Variants in MICU2 observed in about 807,000 individuals in gnomAD.
The protein encoded by MICU2 is calcium uptake protein 2, mitochondrial.
MICU2 carries 64 observed loss-of-function variants against 60.4 expected under a neutral mutation model. That is an observed-to-expected ratio of 1.06 (90% CI 0.87 to 1.31). The LOEUF is 1.31. Ranked by LOEUF, MICU2 falls within the 50% of genes most tolerant of loss-of-function variation. The pLI, the probability that MICU2 is intolerant of heterozygous loss-of-function variation, is 0.00. For synonymous variants in MICU2, 201 were observed against 175.0 expected, an observed-to-expected ratio of 1.15 and a Z score of -1.17; for missense variants, 569 against 531.0, an observed-to-expected ratio of 1.07 and a Z score of -0.70.
intron 1 of MICU2, among the ~76,000 whole-genome samples, chr13:21,603,139 G>A (rs1396985335): frequency 3.9e-5 from 6 of 152,032 alleles, no homozygotes; most frequent in Admixed American, 3.9e-4. Flanking sequence ...TAGAGACCGG[G>A]GGGGCGGGGC....
At chr13:21,597,181 T>A (rs1888713191) in intron 1 of MICU2, among the ~76,000 whole-genome samples, 1 of 152,250 alleles carries the variant, frequency 6.6e-6, no homozygotes, top group African/African-American at 2.4e-5. Flanking sequence ...CAAAGGTATA[T>A]CTATTATTAA....
chr13:21,521,552 G>T (rs1886717830), intron 5 of MICU2, among the ~76,000 whole-genome samples: 1 of 152,204 alleles, frequency 6.6e-6, no homozygotes, highest in African/African-American at 2.4e-5. Context: ...TGCTCTGCTA[G>T]TAAGTGTTCT....
chr13:21,494,679 C>A (rs1043263068), intron 11 of MICU2, among the ~76,000 whole-genome samples: 14 of 151,978 alleles, frequency 9.2e-5, no homozygotes, highest in African/African-American at 3.1e-4. Context: ...TTAGTCAAAT[C>A]CTAGGCTATG....
At chr13:21,514,512 A>G (rs1227540035) in intron 6 of MICU2, 94 bp from the exon 7 acceptor site, 2 of 822,364 alleles carry the variant, frequency 2.4e-6, no homozygotes, top group Non-Finnish European at 2.0e-6. Context: ...TATAAAATAT[A>G]TACTAGTTAT....
At chr13:21,512,387 T>G (rs1886452405) in intron 7 of MICU2, among the ~76,000 whole-genome samples, 2 of 152,202 alleles carry the variant, frequency 1.3e-5, no homozygotes, top group African/African-American at 4.8e-5. Flanking sequence ...TCTTCTTCCA[T>G]TATGTTGGTT....
At chr13:21,512,025 C>T (rs1009769750) in intron 7 of MICU2, among the ~76,000 whole-genome samples, 1 of 152,154 alleles carries the variant, frequency 6.6e-6, no homozygotes, top group Non-Finnish European at 1.5e-5. Flanking sequence ...AGGTTTTGTA[C>T]GAACAATCCC....
intron 2 of MICU2, among the ~76,000 whole-genome samples, chr13:21,547,065 T>C (rs1236703592): frequency 6.6e-6 from 1 of 152,208 alleles, no homozygotes; most frequent in Non-Finnish European, 1.5e-5. Flanking sequence ...CTTGCCTAGT[T>C]CCTGATCTTA....
intron 9 of MICU2, among the ~76,000 whole-genome samples, chr13:21,499,760 C>T (rs1049283391): frequency 2.6e-4 from 40 of 151,580 alleles, no homozygotes; most frequent in Admixed American, 2.6e-3. Flanking sequence ...CATTTTTGTT[C>T]CAGATTATAT....
At chr13:21,557,120 T>A (rs1027774696) in intron 2 of MICU2, among the ~76,000 whole-genome samples, 6 of 152,138 alleles carry the variant, frequency 3.9e-5, no homozygotes, top group African/African-American at 1.4e-4. Context: ...ACTAGAAGCT[T>A]TTATTAAATC....
At chr13:21,515,613 T>C in intron 6 of MICU2, 2 of 423,114 alleles carry the variant, frequency 4.7e-6, no homozygotes, top group Non-Finnish European at 9.5e-6. Flanking sequence ...GAATCAGATG[T>C]AGACAAAATC....
chr13:21,513,155 G>C (rs1886474728), intron 7 of MICU2, among the ~76,000 whole-genome samples: 1 of 151,656 alleles, frequency 6.6e-6, no homozygotes, highest in South Asian at 2.1e-4. Context: ...CAGATTTCCT[G>C]GGAGTTTCTA....
At chr13:21,567,658 T>C (rs1002452296) in intron 1 of MICU2, among the ~76,000 whole-genome samples, 8 of 152,198 alleles carry the variant, frequency 5.3e-5, no homozygotes, top group Admixed American at 2.0e-4. Flanking sequence ...CCTCAGGCAG[T>C]AGGACTTAGA....
chr13:21,506,968 TGCAA>T (rs1886305344), intron 8 of MICU2, among the ~76,000 whole-genome samples: 1 of 152,232 alleles, frequency 6.6e-6, no homozygotes, highest in African/African-American at 2.4e-5. Flanking sequence ...AGTACGTTAG[TGCAA>T]GCTTTTGAAA....
Position 21,560,783 on chromosome 13 carries a change from C to T in MICU2, c.358+6014G>A, listed in dbSNP as rs573816245. On this transcript the variant is annotated intron_variant, in intron 2 of 11. Transcript: ENST00000382374. ...TAGAAATGTCTAGGTAGCAGAATTT[C>T]TGTAAAAATTTTCAATTTGAGTGCC... is the stretch of plus-strand genomic sequence containing the variant. 9.9e-5 allele frequency among the ~76,000 whole-genome samples: 15 copies of T among 152,274 alleles called. No individual in the cohort carries two copies. The South Asian group carries it at 1.7e-3, about 17-fold the overall frequency.
Position 21,501,542 on chromosome 13 carries a change from G to A in MICU2, c.933+1384C>T, listed in dbSNP as rs193285110. On this transcript the variant is annotated intron_variant, in intron 9 of 11. Transcript: ENST00000382374. Reference sequence around the variant, plus strand: ...CTCCCAAAGTGCCAGGATTACAGGCGTGATCATATAAAGTTTTATAGCTTG... The same window carrying A: ...CTCCCAAAGTGCCAGGATTACAGGCATGATCATATAAAGTTTTATAGCTTG... Among the ~76,000 whole-genome samples the A allele has an allele frequency of 5.7e-4, 87 of 152,300 alleles. No homozygotes were observed. In the East Asian group the frequency reaches 6.2e-3, roughly 11 times the overall value.
At chr13:21,579,673 A>G (rs1282210997) in intron 1 of MICU2, among the ~76,000 whole-genome samples, 1 of 152,226 alleles carries the variant, frequency 6.6e-6, no homozygotes, top group African/African-American at 2.4e-5. Flanking sequence ...TTATGAACAC[A>G]TATAGAGCAA....
At chr13:21,531,627 T>C (rs1362860584) in intron 4 of MICU2, among the ~76,000 whole-genome samples, 2 of 152,200 alleles carry the variant, frequency 1.3e-5, no homozygotes, top group Non-Finnish European at 2.9e-5. Context: ...CCTTCAGTAG[T>C]ACACGCGTCA....
chr13:21,566,590 C>T (rs745370212), intron 2 of MICU2, among the ~76,000 whole-genome samples: 24 of 151,616 alleles, frequency 1.6e-4, no homozygotes, highest in Non-Finnish European at 2.8e-4. Context: ...TTTTTCCTGT[C>T]TCTTTAGAGA....
chr13:21,552,501 G>A (rs1364209269), intron 2 of MICU2, among the ~76,000 whole-genome samples: 1 of 152,128 alleles, frequency 6.6e-6, no homozygotes, highest in Non-Finnish European at 1.5e-5. Context: ...TGAAGTCCTT[G>A]CCCATGCCTA....
Sources: allele counts gnomAD v4.1 joint callset (sites outside exome capture counted in the v4.1 genomes callset), GRCh38; gene constraint gnomAD v4.1.1; transcripts MANE v1.5; gene names NCBI Gene and HGNC (gene_info 2026-07-23, HGNC 2026-07-21).